PSMC2: variants seen among roughly 807,000 people sequenced by gnomAD.
PSMC2 encodes the protein proteasome 26S subunit, ATPase 2.
In PSMC2, 7 loss-of-function variants were observed where a neutral mutation model predicts 53.3. The ratio of observed to expected loss-of-function variants is 0.13; its 90% CI spans 0.07 to 0.25. PSMC2 has a LOEUF of 0.25. Among genes scored for constraint, PSMC2 ranks in the 10% least tolerant of loss-of-function variants. The probability of loss-of-function intolerance (pLI) is 1.00; values close to 1 mark genes in which losing one functional copy is unlikely to be tolerated. For synonymous variants in PSMC2, 169 were observed against 183.9 expected, an observed-to-expected ratio of 0.92 and a Z score of 0.66; for missense variants, 241 against 544.0, an observed-to-expected ratio of 0.44 and a Z score of 5.54.
In PSMC2 at chr7:103,368,928, C is replaced by CAG. The variant is rs58622985; in HGVS notation, c.*875_*876insGA. 0.97 allele frequency: 147,932 copies of CAG among 152,182 alleles called. 72,056 individuals carry two copies. The highest frequency in any genetic ancestry group is 1 in the East Asian group (5,188 of 5,188). 9.4% of individuals were successfully genotyped at this position (152,182 alleles called of 1,614,324 possible). ...ATAAAGGTTATATTAGAATCCTCAA[C>CAG]ATCTCTTTAAAATTACCTCCTGTGT... is the stretch of plus-strand genomic sequence containing the variant. On this transcript the variant is annotated 3_prime_UTR_variant, in exon 12 of 12. Coordinates refer to ENST00000292644, the MANE Select transcript of PSMC2 (RefSeq NM_002803.4).
chr7:103,359,740 A>T (rs1820266951), intron 4 of PSMC2, among the ~76,000 whole-genome samples: 1 of 152,100 alleles, frequency 6.6e-6, no homozygotes, highest in African/African-American at 2.4e-5. Flanking sequence ...AACTCTTTAG[A>T]TATGGTTTCC....
rs1300940653 is a variant in PSMC2, at chr7:103,363,268, A to G, written c.496-76A>G. 7 of 1,145,192 alleles carry G rather than the reference A, an allele frequency of 6.1e-6. No individual in the cohort carries two copies. The African/African-American group carries it at 1.1e-4, about 18-fold the overall frequency. The allele number at this position is 1,145,192 out of a possible 1,614,324, so 70.9% of individuals were successfully genotyped here. A position where few individuals can be genotyped will look rare whatever the true frequency, so the allele number is the denominator to read the frequency against. ...TTGTGAGTTTTTCTTTTAAGGTATTAGGTCTATTCTATTGAATTTGGACAG... is the reference window on the plus strand; with the variant it reads ...TTGTGAGTTTTTCTTTTAAGGTATTGGGTCTATTCTATTGAATTTGGACAG... On this transcript the variant is annotated intron_variant, in intron 6 of 11. Coordinates refer to ENST00000292644, the MANE Select transcript of PSMC2 (RefSeq NM_002803.4).
chr7:103,352,752 T>C, intron 1 of PSMC2: 1 of 745,040 alleles, frequency 1.3e-6, no homozygotes, highest in Non-Finnish European at 2.5e-6. Context: ...TTTCTTTATT[T>C]CACAAAAGAG....
chr7:103,359,558 G>A lies in PSMC2; in HGVS notation c.291-2399G>A, dbSNP rs150923793. ...CTGTTTCTATGAATTTGTCTATCCTGGACATATCATCTAAATGGAATCATA... is the reference window on the plus strand; with the variant it reads ...CTGTTTCTATGAATTTGTCTATCCTAGACATATCATCTAAATGGAATCATA... On this transcript the variant is annotated intron_variant, in intron 4 of 11. Coordinates refer to ENST00000292644, the MANE Select transcript of PSMC2 (RefSeq NM_002803.4). Among the ~76,000 whole-genome samples, 36 of 152,038 alleles carry A rather than the reference G, an allele frequency of 2.4e-4. No homozygotes were observed. The East Asian group carries it at 6.8e-3, about 29-fold the overall frequency.
chr7:103,352,711 C>A, intron 1 of PSMC2: 1 of 662,734 alleles, frequency 1.5e-6, no homozygotes, highest in South Asian at 1.7e-5. Context: ...ATCTTAAATC[C>A]TAAAAACAAC....
At chr7:103,349,410 G>C (rs116289871) in intron 1 of PSMC2, among the ~76,000 whole-genome samples, 3,167 of 151,958 alleles carry the variant, frequency 0.021, 110 homozygotes, top group African/African-American at 0.073. Flanking sequence ...ATACAGTTAT[G>C]ACTAACATGT....
chr7:103,365,073 G>A (rs4478507), intron 8 of PSMC2, among the ~76,000 whole-genome samples: 146,465 of 150,682 alleles, frequency 0.97, 71,334 homozygotes, highest in East Asian at 1. Context: ...ACGGAGCTGC[G>A]TGAGTTGAGG....
intron 6 of PSMC2, 50 bp from the exon 7 acceptor site, chr7:103,363,294 T>C: frequency 7.0e-7 from 1 of 1,430,766 alleles, no homozygotes; most frequent in African/African-American, 1.4e-5. Context: ...ATTTGGACAG[T>C]ATCCAAAAAG....
chr7:103,359,103 G>C (rs1282895243), intron 4 of PSMC2, among the ~76,000 whole-genome samples: 1 of 140,874 alleles, frequency 7.1e-6, no homozygotes, highest in African/African-American at 2.6e-5. Context: ...CTCCCAAGTG[G>C]CTGGGACCAC....
chr7:103,352,893 C>T (rs763650961), intron 1 of PSMC2: 43 of 780,802 alleles, frequency 5.5e-5, no homozygotes, highest in African/African-American at 3.6e-4. Context: ...ATTTCCCCTA[C>T]GGTCTCCATC....
intron 4 of PSMC2, among the ~76,000 whole-genome samples, chr7:103,357,869 G>A (rs770524043): frequency 3.3e-5 from 5 of 152,170 alleles, no homozygotes; most frequent in African/African-American, 4.8e-5. Context: ...AGATCTGTTC[G>A]TTTTCTCTCA....
intron 1 of PSMC2, among the ~76,000 whole-genome samples, chr7:103,352,341 A>C (rs1173301105): frequency 6.8e-6 from 1 of 146,822 alleles, no homozygotes; most frequent in Non-Finnish European, 1.5e-5. Flanking sequence ...GTGAATGGTC[A>C]GTTGGGAAGT....
In PSMC2 at chr7:103,367,347, T is replaced by G; in HGVS notation, c.845-66T>G. 1.3e-6 allele frequency: 2 copies of G among 1,511,374 alleles called. No individual in the cohort carries two copies. Among genetic ancestry groups the G allele is most frequent in the Non-Finnish European group, 1.8e-6 (2 of 1,092,702 alleles). 93.6% of individuals were successfully genotyped at this position (1,511,374 alleles called of 1,614,324 possible). On this transcript the variant is annotated intron_variant, in intron 9 of 11. Transcript: ENST00000292644. The surrounding 1 kb of genome is among the most constrained non-coding windows in gnomAD (Gnocchi z 6.1). ...ATTTGAGCTGAGATTTTTGGTACTTTCAGGTCATGCATAGTGCTACTCTTG... is the reference window on the plus strand; with the variant it reads ...ATTTGAGCTGAGATTTTTGGTACTTGCAGGTCATGCATAGTGCTACTCTTG...
In PSMC2 at chr7:103,368,425, C is replaced by T. The variant is rs902489310; in HGVS notation, c.*371C>T. The T allele has an allele frequency of 3.1e-5, 5 of 161,716 alleles. No homozygotes were observed. Among genetic ancestry groups the T allele is most frequent in the Non-Finnish European group, 6.7e-5 (5 of 74,568 alleles). The allele number at this position is 161,716 out of a possible 1,614,324, so 10.0% of individuals were successfully genotyped here. A position where few individuals can be genotyped will look rare whatever the true frequency, so the allele number is the denominator to read the frequency against. On this transcript the variant is annotated 3_prime_UTR_variant, in exon 12 of 12. Transcript: ENST00000292644. ...TCATCCAATGGATGCATAAACTTTC[C>T]TACTTACTTGTAGTGGCAAAGCTGG...
chr7:103,365,584 G>A (rs1354416724), intron 8 of PSMC2, among the ~76,000 whole-genome samples: 1 of 152,068 alleles, frequency 6.6e-6, no homozygotes, highest in African/African-American at 2.4e-5. Context: ...AGCCAAGATC[G>A]TGCCATTGCA....
chr7:103,362,794 C>A, intron 6 of PSMC2, 36 bp downstream of exon 6: 715 of 839,560 alleles, frequency 8.5e-4, no homozygotes, highest in Non-Finnish European at 1.2e-3. Context: ...AAGGCTATGT[C>A]TTTTTTTTTT....
intron 7 of PSMC2, among the ~76,000 whole-genome samples, chr7:103,363,817 T>C (rs1820547865): frequency 6.6e-6 from 1 of 152,212 alleles, no homozygotes; most frequent in South Asian, 2.1e-4. Flanking sequence ...ACTAGGATAC[T>C]GAATACCAGA....
At chr7:103,351,006 T>TCCTCACA (rs112842011) in intron 1 of PSMC2, among the ~76,000 whole-genome samples, 15 of 144,130 alleles carry the variant, frequency 1.0e-4, no homozygotes, top group African/African-American at 4.4e-4. Context: ...CTTCATTGTG[T>TCCTCACA]CCTCACATGG....
At chr7:103,366,299 G>C (rs764473569) in intron 9 of PSMC2, 136 bp downstream of exon 9, 6 of 715,098 alleles carry the variant, frequency 8.4e-6, no homozygotes, top group Non-Finnish European at 1.4e-5. Context: ...TGGCGCCACA[G>C]ATCTAATAAG....
Sources: gnomAD v4.1 joint callset for allele counts (sites outside exome capture counted in the v4.1 genomes callset) on GRCh38, gnomAD v4.1.1 for gene constraint, Gnocchi (gnomAD v3.1) non-coding constraint, MANE v1.5 for transcripts, NCBI Gene and HGNC (gene_info 2026-07-23, HGNC 2026-07-21) for gene names.